PLBD1: variants seen among roughly 807,000 people sequenced by gnomAD.
PLBD1 encodes the protein lysosomal leucine aminopeptidase.
PLBD1 carries 60 observed loss-of-function variants against 63.0 expected under a neutral mutation model. The observed-to-expected ratio is 0.95, with a 90% CI of 0.77 to 1.18. The LOEUF (loss-of-function observed/expected upper bound fraction) is 1.18. PLBD1 is among the 50% of genes most tolerant of loss of function. The pLI is 0.00. For synonymous variants in PLBD1, 262 were observed against 248.0 expected, an observed-to-expected ratio of 1.06 and a Z score of -0.53; for missense variants, 598 against 677.9, an observed-to-expected ratio of 0.88 and a Z score of 1.31.
At position 14,553,393 on chromosome 12, in the gene PLBD1, T is replaced by G. The variant is rs761131539; in HGVS notation, c.135A>C (p.Ala45=). The change falls in exon 2 of 11, where the codon GCA becomes GCC. Residue 45 remains alanine, a synonymous_variant. Transcript: ENST00000240617. The part of the protein sequence containing the change: ...PKPAGVYYAT[A]YWMPAEKTVQ... ...CTGTCTTTTCAGCAGGCATCCAGTATGCAGTTGCATAGTAGACTCCTAGAA... is the reference window on the plus strand; with the variant it reads ...CTGTCTTTTCAGCAGGCATCCAGTAGGCAGTTGCATAGTAGACTCCTAGAA... The G allele has an allele frequency of 1.9e-6, 3 of 1,614,124 alleles. No individual in the cohort carries two copies. The highest frequency in any genetic ancestry group is 1.1e-5 in the South Asian group (1 of 91,080).
Position 14,553,363 on chromosome 12 carries a change from T to A in PLBD1, c.165A>T (p.Gln55His), listed in dbSNP as rs1218832912. The change falls in exon 2 of 11, where the codon CAA (glutamine) becomes CAT (histidine). Residue 55 changes from glutamine (Q) to histidine (H), a missense_variant. By Grantham distance (24) the Gln-to-His change is conservative (BLOSUM62 0). Coordinates refer to ENST00000240617, the MANE Select transcript of PLBD1 (RefSeq NM_024829.6). ...AYWMPAEKTV[Q>H]VKNVMDKNGD... ...CATTCTTGTCCATTACATTTTTGAC[T>A]TGTACTGTCTTTTCAGCAGGCATCC... is the stretch of plus-strand genomic sequence containing the variant. 6.2e-7 allele frequency: 1 copy of A among 1,614,090 alleles called. No homozygotes were observed. The highest frequency in any genetic ancestry group is 1.3e-5 in the African/African-American group (1 of 74,932).
At chr12:14,548,036 A>T (rs959322607) in intron 2 of PLBD1, among the ~76,000 whole-genome samples, 1 of 152,192 alleles carries the variant, frequency 6.6e-6, no homozygotes, top group Non-Finnish European at 1.5e-5. Context: ...ATAACTCAAC[A>T]TATGTCAAAT....
At chr12:14,512,046 A>C (rs1945302353) in intron 6 of PLBD1, among the ~76,000 whole-genome samples, 1 of 145,662 alleles carries the variant, frequency 6.9e-6, no homozygotes. Flanking sequence ...TTTGCAGGAG[A>C]ATTTTTAATT....
At chr12:14,538,359 A>ATT (rs1945537261) in intron 4 of PLBD1, among the ~76,000 whole-genome samples, 1 of 151,812 alleles carries the variant, frequency 6.6e-6, no homozygotes, top group Non-Finnish European at 1.5e-5. Context: ...TGTCCAGCTA[A>ATT]TTTTTGTAGT....
At chr12:14,536,138 A>C (rs1945512180) in intron 5 of PLBD1, 1 of 255,256 alleles carries the variant, frequency 3.9e-6, no homozygotes. Context: ...TAAACCAAAA[A>C]TACAAGAAAA....
intron 6 of PLBD1, among the ~76,000 whole-genome samples, chr12:14,532,105 C>A (rs894720581): frequency 2.6e-5 from 4 of 152,284 alleles, no homozygotes; most frequent in African/African-American, 9.6e-5. Context: ...CACTCCTCAC[C>A]CACGGGCACC....
Position 14,536,674 on chromosome 12 carries a change from C to T in PLBD1, c.595G>A (p.Val199Ile). ...GGAATCAGATCCAATAGATCTCCAA[C>T]ACTATTCAGGAACTGAATCTGGAAC... ...TLFQIQFLNS[V>I]GDLLDLIPSL... The change falls in exon 5 of 11, where the codon GTT becomes ATT. Residue 199 changes from valine (V) to isoleucine (I), a missense_variant. Physicochemically the swap from Val to Ile is conservative, Grantham distance 29 (BLOSUM62 3). Transcript: ENST00000240617. 6.2e-7 allele frequency: 1 copy of T among 1,614,170 alleles called. No individual in the cohort carries two copies. Among genetic ancestry groups the T allele is most frequent in the Non-Finnish European group, 8.5e-7 (1 of 1,180,018 alleles).
chr12:14,555,096 C>T (rs184404953), intron 1 of PLBD1, among the ~76,000 whole-genome samples: 131 of 152,322 alleles, frequency 8.6e-4, no homozygotes, highest in South Asian at 6.2e-4. Context: ...TTAGGTAACA[C>T]AACTAGCCGT....
Position 14,540,834 on chromosome 12 carries a change from C to A in PLBD1, c.488G>T (p.Gly163Val). ...YKTDSFWRHT[G>V]YVMAQIDGLY... ...GCCATCTATTTGTGCCATCACATAG[C>A]CTGTATGTCTCCAAAATGAATCAGT... The change falls in exon 4 of 11, where the codon GGC becomes GTC. Residue 163 changes from glycine (G) to valine (V), a missense_variant. Physicochemically the swap from Gly to Val is moderately radical, Grantham distance 109 (BLOSUM62 -3). Coordinates refer to ENST00000240617, the MANE Select transcript of PLBD1 (RefSeq NM_024829.6). The A allele has an allele frequency of 1.2e-6, 2 of 1,611,142 alleles. No individual in the cohort carries two copies. Among genetic ancestry groups the A allele is most frequent in the Non-Finnish European group, 1.7e-6 (2 of 1,177,924 alleles).
chr12:14,563,528 CA>C (rs60358055), intron 1 of PLBD1, among the ~76,000 whole-genome samples: 145,925 of 151,642 alleles, frequency 0.96, 70,387 homozygotes, highest in East Asian at 1. Context: ...AAAAAAACAA[CA>C]AAAAAAAAAT....
intron 2 of PLBD1, among the ~76,000 whole-genome samples, chr12:14,546,790 T>C (rs1008848382): frequency 2.6e-5 from 4 of 152,258 alleles, no homozygotes; most frequent in African/African-American, 9.6e-5. Context: ...TTGCTGAGGA[T>C]GTCTACTATA....
intron 6 of PLBD1, among the ~76,000 whole-genome samples, chr12:14,535,349 G>A (rs762264019): frequency 9.2e-5 from 14 of 152,156 alleles, no homozygotes; most frequent in Non-Finnish European, 1.5e-4. Context: ...TGCTTCTGCC[G>A]CAGAGCCTAG....
At chr12:14,514,742 AT>A (rs3083807) in intron 6 of PLBD1, among the ~76,000 whole-genome samples, 104 of 147,156 alleles carry the variant, frequency 7.1e-4, no homozygotes, top group African/African-American at 7.0e-4. Context: ...ATCTTTTTAA[AT>A]TTTTTTTTTT....
At position 14,536,681 on chromosome 12, in the gene PLBD1, C is replaced by T; in HGVS notation, c.588G>A (p.Leu196=). 1 of 1,614,160 alleles carries T rather than the reference C, an allele frequency of 6.2e-7. No individual in the cohort carries two copies. Among genetic ancestry groups the T allele is most frequent in the South Asian group, 1.1e-5 (1 of 91,088 alleles). Residue 196 remains leucine, a synonymous_variant, in exon 5 of 11, where the codon CTG becomes CTA. Coordinates refer to ENST00000240617, the MANE Select transcript of PLBD1 (RefSeq NM_024829.6). ...KPMTLFQIQF[L]NSVGDLLDLI... is the part of the protein sequence containing the mutation. The stretch of plus-strand genomic sequence containing the variant: ...GATCCAATAGATCTCCAACACTATT[C>T]AGGAACTGAATCTGGAACAGGGTCA...
chr12:14,560,357 T>C (rs1271939585), intron 1 of PLBD1, among the ~76,000 whole-genome samples: 5 of 152,118 alleles, frequency 3.3e-5, no homozygotes, highest in Admixed American at 2.6e-4. Flanking sequence ...GTTTACTTAA[T>C]ATATTCAGAA....
intron 6 of PLBD1, among the ~76,000 whole-genome samples, chr12:14,515,075 A>G (rs776986030): frequency 4.6e-5 from 7 of 152,224 alleles, no homozygotes; most frequent in East Asian, 1.9e-4. Flanking sequence ...AAAAAACACC[A>G]AACTGCAGAA....
intron 5 of PLBD1, among the ~76,000 whole-genome samples, 175 bp downstream of exon 5, chr12:14,536,395 G>A (rs945259008): frequency 6.6e-6 from 1 of 152,188 alleles, no homozygotes; most frequent in Non-Finnish European, 1.5e-5. Context: ...GTAACATCGT[G>A]TACTTACAAT....
At chr12:14,558,069 ACTGT>A (rs1945719734) in intron 1 of PLBD1, among the ~76,000 whole-genome samples, 2 of 138,534 alleles carry the variant, frequency 1.4e-5, no homozygotes, top group Non-Finnish European at 3.1e-5. Context: ...AAAAAAAAAG[ACTGT>A]CTATCAAATA....
chr12:14,530,662 G>A (rs1310431527), intron 6 of PLBD1, among the ~76,000 whole-genome samples: 4 of 152,190 alleles, frequency 2.6e-5, no homozygotes, highest in Non-Finnish European at 5.9e-5. Flanking sequence ...ACTCAATGTT[G>A]TTGACAAGTA....
Sources: allele counts gnomAD v4.1 joint callset (sites outside exome capture counted in the v4.1 genomes callset), GRCh38; gene constraint gnomAD v4.1.1; transcripts MANE v1.5; gene names NCBI Gene and HGNC (gene_info 2026-07-23, HGNC 2026-07-21).